The following CARD8 variants were observed in gnomAD, a reference collection of about 807,000 sequenced individuals.
CARD8 encodes caspase recruitment domain family member 8, also known as caspase recruitment domain-containing protein 8.
CARD8 carries 38 observed loss-of-function variants against 53.2 expected under a neutral mutation model. That is an observed-to-expected ratio of 0.71 (90% CI 0.55 to 0.94). The LOEUF (loss-of-function observed/expected upper bound fraction) is 0.94, where lower values mean the gene tolerates loss of function less well. Among genes scored for constraint, CARD8 ranks in the 40% least tolerant of loss-of-function variants. CARD8 has a pLI of 0.00. For synonymous variants in CARD8, 245 were observed against 244.9 expected, an observed-to-expected ratio of 1.00 and a Z score of 0.00; for missense variants, 561 against 655.5, an observed-to-expected ratio of 0.86 and a Z score of 1.57.
intron 4 of CARD8, among the ~76,000 whole-genome samples, chr19:48,239,129 A>G (rs1478180536): frequency 1.3e-5 from 2 of 152,206 alleles, no homozygotes; most frequent in African/African-American, 4.8e-5. Flanking sequence ...TTGTTTGCAC[A>G]ACACTGAATG....
At position 48,209,932 on chromosome 19, in the gene CARD8, A is replaced by G. The variant is rs1259654128; in HGVS notation, c.*1778T>C. 2 of 152,252 alleles carry G rather than the reference A, an allele frequency of 1.3e-5. No individual in the cohort carries two copies. The highest frequency in any genetic ancestry group is 1.3e-4 in the Admixed American group (2 of 15,282). 9.4% of individuals were successfully genotyped at this position (152,252 alleles called of 1,614,324 possible). On this transcript the variant is annotated 3_prime_UTR_variant, in exon 14 of 14. Transcript: ENST00000651546. ...TGTCATCACTTAAACTATTTCCTAT[A>G]AAGATGAAAATCAGGCTAATAAAAA...
At chr19:48,221,677 C>T in intron 11 of CARD8, 53 bp downstream of exon 11, 2 of 1,346,456 alleles carry the variant, frequency 1.5e-6, no homozygotes, top group Non-Finnish European at 2.0e-6. Context: ...CCATTTGTTT[C>T]AGAAATATAA....
rs201361713 is a variant in CARD8, at chr19:48,234,543, C to T, written c.210G>A (p.Thr70=). Residue 70 remains threonine (T), a splice_region_variant and synonymous_variant, in exon 6 of 14, where the codon ACG becomes ACA. Coordinates refer to ENST00000651546, the MANE Select transcript of CARD8 (RefSeq NM_001184900.3). ...AAACACAGGGTAGCTCCCTGTATACCCTGGAAAACAACAACAGAATTTTTA... is the reference window on the plus strand; with the variant it reads ...AAACACAGGGTAGCTCCCTGTATACTCTGGAAAACAACAACAGAATTTTTA... ...FQAEACVTND[T]VYRELPCVSE... 837 of 1,611,240 alleles carry T rather than the reference C, an allele frequency of 5.2e-4. 2 individuals are homozygous for T. The highest frequency in any genetic ancestry group is 6.6e-4 in the Non-Finnish European group (774 of 1,179,222).
At chr19:48,228,261 G>A (rs1050509367) in intron 10 of CARD8, among the ~76,000 whole-genome samples, 2 of 152,210 alleles carry the variant, frequency 1.3e-5, no homozygotes, top group African/African-American at 4.8e-5. Context: ...ATATTACAAT[G>A]TAATAATAAT....
intron 10 of CARD8, among the ~76,000 whole-genome samples, 194 bp downstream of exon 10, chr19:48,230,244 C>T (rs1600378198): frequency 6.6e-6 from 1 of 152,178 alleles, no homozygotes; most frequent in South Asian, 2.1e-4. Context: ...CACTGAATCA[C>T]TACTGAAGAT....
downstream of CARD8, among the ~76,000 whole-genome samples, chr19:48,207,607 AAGG>A (rs1179712541): frequency 2.2e-4 from 34 of 152,256 alleles, no homozygotes; most frequent in African/African-American, 6.0e-4. Context: ...CATTTTTCAC[AAGG>A]AGTTTTCTGT....
Position 48,223,279 on chromosome 19 carries a change from G to A in CARD8, c.1036-1424C>T, listed in dbSNP as rs113367290. On this transcript the variant is annotated intron_variant, in intron 10 of 13. Coordinates refer to ENST00000651546, the MANE Select transcript of CARD8 (RefSeq NM_001184900.3). ...GGATCGCACCACTGTACTCCAGCCT[G>A]AGCGACAGAGCAAGACTCTGTCTCA... Among the ~76,000 whole-genome samples, 72 of 150,952 alleles carry A rather than the reference G, an allele frequency of 4.8e-4. 1 individual carries two copies. The highest frequency in any genetic ancestry group is 1.7e-3 in the African/African-American group (69 of 40,932).
In CARD8 at chr19:48,230,359, C is replaced by T. The variant is rs140740487; in HGVS notation, c.1035+79G>A. 4.3e-5 allele frequency: 63 copies of T among 1,465,832 alleles called. No individual in the cohort carries two copies. In the East Asian group the frequency reaches 7.5e-4, roughly 18 times the overall value. 90.8% of individuals were successfully genotyped at this position (1,465,832 alleles called of 1,614,324 possible). A position where few individuals can be genotyped will look rare whatever the true frequency, so the allele number is the denominator to read the frequency against. ...ACCATGCCTTGCCCTTTCTGTTCCA[C>T]GAGGAACTGGAGGGGCCAAGGGGAT... On this transcript the variant is annotated intron_variant, in intron 10 of 13. Coordinates refer to ENST00000651546, the MANE Select transcript of CARD8 (RefSeq NM_001184900.3).
At chr19:48,235,677 C>A (rs2043748631) in intron 5 of CARD8, among the ~76,000 whole-genome samples, 1 of 152,126 alleles carries the variant, frequency 6.6e-6, no homozygotes, top group Admixed American at 6.6e-5. Context: ...AGCCACCGCA[C>A]CCAGCCTGAG....
Position 48,238,526 on chromosome 19 carries a change from A to G in CARD8, c.66T>C (p.Ser22=). The change falls in exon 5 of 14, where the codon AGT becomes AGC. Residue 22 remains serine, a synonymous_variant. Coordinates refer to ENST00000651546, the MANE Select transcript of CARD8 (RefSeq NM_001184900.3). The part of the protein sequence containing the change: ...SSEEELPRRD[S]GSSRNIDASK... ...ATGCATCTATGTTCCTACTGGATCC[A>G]CTGTCCCTGGGAAAACACAAATGGA... 1 of 1,536,378 alleles carries G rather than the reference A, an allele frequency of 6.5e-7. No individual in the cohort carries two copies. The highest frequency in any genetic ancestry group is 8.7e-7 in the Non-Finnish European group (1 of 1,146,948).
chr19:48,228,870 G>A (rs2042299957), intron 10 of CARD8, among the ~76,000 whole-genome samples: 1 of 152,266 alleles, frequency 6.6e-6, no homozygotes, highest in South Asian at 2.1e-4. Context: ...CGGGCGCGGT[G>A]GCTCATGCCT....
chr19:48,220,949 AAAGGAAAGGAAGGAAGG>A (rs1198750852), intron 11 of CARD8, among the ~76,000 whole-genome samples: 12 of 4,550 alleles, frequency 2.6e-3, no homozygotes, highest in Non-Finnish European at 1.7e-3. Flanking sequence ...GAAAGAAAGG[AAAGGAAAGGAAGGAAGG>A]AAGGAAGGAA....
At chr19:48,237,428 AC>A (rs1437701887) in intron 5 of CARD8, among the ~76,000 whole-genome samples, 5 of 151,852 alleles carry the variant, frequency 3.3e-5, no homozygotes, top group African/African-American at 1.2e-4. Flanking sequence ...TCCAGGCCCC[AC>A]CTCCAACACT....
Position 48,211,524 on chromosome 19 carries a change from G to A in CARD8, c.*186C>T, listed in dbSNP as rs1413301805. ...TACTACCTTCTTCAGACATTCTTGA[G>A]GAAAATGCATGAGGATACAGTCAAT... On this transcript the variant is annotated 3_prime_UTR_variant, in exon 14 of 14. Transcript: ENST00000651546. 1.7e-6 allele frequency: 1 copy of A among 589,126 alleles called. No individual in the cohort carries two copies. Among genetic ancestry groups the A allele is most frequent in the African/African-American group, 1.9e-5 (1 of 53,740 alleles). The allele number at this position is 589,126 out of a possible 1,614,324, so 36.5% of individuals were successfully genotyped here.
intron 1 of CARD8, among the ~76,000 whole-genome samples, chr19:48,254,548 G>C (rs1353028369): frequency 6.6e-6 from 1 of 152,196 alleles, no homozygotes; most frequent in East Asian, 1.9e-4. Context: ...TCAGGGGTTC[G>C]AGACCAGCCT....
intron 6 of CARD8, 101 bp downstream of exon 6, chr19:48,234,300 CCT>C (rs760476009): frequency 1.2e-4 from 147 of 1,196,736 alleles, no homozygotes; most frequent in East Asian, 1.0e-3. Flanking sequence ...TTCATTCTCC[CCT>C]GAGTTCGATG....
rs780231856 is a variant in CARD8 at position 48,238,649 on chromosome 19, G to C, written c.60-117C>G. ...CGATCCTTAGAGATATCCATCCTTA[G>C]ACATGCCCATCCATAGAGATGCCAT... On this transcript the variant is annotated intron_variant, in intron 4 of 13. Transcript: ENST00000651546. 8.5e-4 allele frequency: 777 copies of C among 915,620 alleles called. 2 individuals carry two copies. The highest frequency in any genetic ancestry group is 1.1e-3 in the Non-Finnish European group (697 of 614,370). The allele number at this position is 915,620 out of a possible 1,614,324, so 56.7% of individuals were successfully genotyped here.
At chr19:48,205,494 T>G (rs1445512832), downstream of CARD8, among the ~76,000 whole-genome samples, 1 of 152,140 alleles carries the variant, frequency 6.6e-6, no homozygotes, top group Non-Finnish European at 1.5e-5. Context: ...TCTCCCAAAG[T>G]GCTGGGATTA....
At chr19:48,225,004 C>T (rs567872830) in intron 10 of CARD8, among the ~76,000 whole-genome samples, 19 of 152,096 alleles carry the variant, frequency 1.2e-4, no homozygotes, top group Middle Eastern at 3.4e-3. Flanking sequence ...CCGCCCACCT[C>T]GGCCTCCCAA....
Sources: gnomAD v4.1 joint callset for allele counts (sites outside exome capture counted in the v4.1 genomes callset) on GRCh38, gnomAD v4.1.1 for gene constraint, MANE v1.5 for transcripts, NCBI Gene and HGNC (gene_info 2026-07-23, HGNC 2026-07-21) for gene names.